Variants in ROBO2 observed in about 807,000 individuals in gnomAD.
ROBO2 encodes roundabout guidance receptor 2, also known as roundabout homolog 2.
Under a neutral mutation model 160.8 loss-of-function variants are expected in ROBO2, and 53 were observed. That is an observed-to-expected ratio of 0.33 (90% CI 0.26 to 0.41). The LOEUF (loss-of-function observed/expected upper bound fraction) is 0.41. Ranked by LOEUF, ROBO2 falls within the 10% of genes least tolerant of loss-of-function variation. The pLI is 1.00. For missense variants in ROBO2, 1,577 were observed against 1,722.4 expected (o/e 0.92, Z 1.49); for synonymous variants, 664 against 611.7 (o/e 1.09, Z -1.26).
chr3:76,873,727 A>G (rs186228715), intron 2 of ROBO2, among the ~76,000 whole-genome samples: 4 of 152,340 alleles, frequency 2.6e-5, no homozygotes, highest in Admixed American at 6.5e-5. Flanking sequence ...TAACCTGCCC[A>G]GCAAACAATG....
At chr3:76,980,921 A>C (rs1384526756) in intron 2 of ROBO2, among the ~76,000 whole-genome samples, 1 of 152,174 alleles carries the variant, frequency 6.6e-6, no homozygotes, top group Non-Finnish European at 1.5e-5. Context: ...TTTTATGTAA[A>C]TTGATTCATA....
chr3:76,384,862 A>G (rs1328341680), intron 2 of ROBO2, among the ~76,000 whole-genome samples: 1 of 152,176 alleles, frequency 6.6e-6, no homozygotes. Context: ...GGGGAACTAC[A>G]ATTCAAAATG....
chr3:77,045,400 T>C (rs1381675239), intron 1 of ROBO2, among the ~76,000 whole-genome samples: 1 of 152,168 alleles, frequency 6.6e-6, no homozygotes, highest in African/African-American at 2.4e-5. Context: ...AATTCTAAAA[T>C]TGCCCTAATC....
At chr3:76,019,536 G>C (rs2066508235) in intron 2 of ROBO2, among the ~76,000 whole-genome samples, 1 of 151,880 alleles carries the variant, frequency 6.6e-6, no homozygotes, top group African/African-American at 2.4e-5. Context: ...ACATGGTTCA[G>C]TTTTCTCTGA....
chr3:77,448,467 A>G (rs1467855383), intron 2 of ROBO2, among the ~76,000 whole-genome samples: 9 of 152,156 alleles, frequency 5.9e-5, no homozygotes, highest in African/African-American at 2.2e-4. Context: ...AGTCGGCCCT[A>G]ATCTCTGACA....
rs1400118113 is a variant in ROBO2, at chr3:76,654,701, CA to C, written c.110-443312del. 2.6e-5 allele frequency among the ~76,000 whole-genome samples: 4 copies of C among 151,922 alleles called. No individual in the cohort carries two copies. The East Asian group carries it at 7.8e-4, about 29-fold the overall frequency. On this transcript the variant is annotated intron_variant, in intron 2 of 26. Transcript: ENST00000487694. ...TAATCAAATGAAAAGAAAATTAGATCATAAGAAGCGCTATACCAAGAATTAA... is the reference window on the plus strand; with the variant it reads ...TAATCAAATGAAAAGAAAATTAGATCTAAGAAGCGCTATACCAAGAATTAA...
At chr3:76,905,959 A>T (rs2075574803) in intron 2 of ROBO2, among the ~76,000 whole-genome samples, 1 of 152,190 alleles carries the variant, frequency 6.6e-6, no homozygotes, top group Admixed American at 6.5e-5. Flanking sequence ...ATCAAGGGAT[A>T]GTTTTGAAGA....
chr3:76,689,439 T>C (rs1299665043), intron 2 of ROBO2, among the ~76,000 whole-genome samples: 2 of 152,108 alleles, frequency 1.3e-5, no homozygotes, highest in African/African-American at 4.8e-5. Context: ...CATTTGTATA[T>C]TTTTCCATCA....
intron 2 of ROBO2, among the ~76,000 whole-genome samples, chr3:76,002,753 A>T (rs1449641346): frequency 6.6e-6 from 1 of 152,144 alleles, no homozygotes; most frequent in Non-Finnish European, 1.5e-5. Flanking sequence ...AAGCTTCAAG[A>T]CATTAGGAGA....
intron 2 of ROBO2, among the ~76,000 whole-genome samples, chr3:76,547,279 T>C (rs2083162307): frequency 6.6e-6 from 1 of 151,656 alleles, no homozygotes; most frequent in African/African-American, 2.4e-5. Context: ...TATTTTTTCC[T>C]TATGTATATG....
chr3:76,478,876 C>G (rs1181703218), intron 2 of ROBO2, among the ~76,000 whole-genome samples: 1 of 151,868 alleles, frequency 6.6e-6, no homozygotes, highest in African/African-American at 2.4e-5. Context: ...CCTATGTTGC[C>G]CAAGTTGGCT....
intron 2 of ROBO2, among the ~76,000 whole-genome samples, chr3:76,940,954 C>T (rs148309776): frequency 6.6e-6 from 1 of 152,234 alleles, no homozygotes; most frequent in Non-Finnish European, 1.5e-5. Context: ...TTCAAAGCCG[C>T]CTCAAATGTA....
At chr3:76,819,856 A>G (rs1343802151) in intron 2 of ROBO2, among the ~76,000 whole-genome samples, 5 of 152,090 alleles carry the variant, frequency 3.3e-5, no homozygotes, top group African/African-American at 9.7e-5. Flanking sequence ...TGCAGTTTCA[A>G]TTGGGACCTG....
chr3:76,079,466 T>TTTA (rs981547591), intron 2 of ROBO2, among the ~76,000 whole-genome samples: 6 of 143,366 alleles, frequency 4.2e-5, no homozygotes, highest in Admixed American at 7.2e-5. Flanking sequence ...TATTTATTTA[T>TTTA]TTATTATTAT....
intron 2 of ROBO2, among the ~76,000 whole-genome samples, chr3:76,716,233 C>T (rs2093376660): frequency 6.6e-6 from 1 of 152,128 alleles, no homozygotes; most frequent in African/African-American, 2.4e-5. Flanking sequence ...ACTCAGGCAA[C>T]TTTCCATAGA....
intron 2 of ROBO2, among the ~76,000 whole-genome samples, chr3:77,252,396 A>G (rs904209518): frequency 6.6e-6 from 1 of 152,152 alleles, no homozygotes; most frequent in Admixed American, 6.5e-5. Context: ...TTAAATAAAC[A>G]AACAAAAACA....
intron 2 of ROBO2, among the ~76,000 whole-genome samples, chr3:76,655,187 CG>C (rs1560313871): frequency 6.7e-6 from 1 of 149,386 alleles, no homozygotes; most frequent in African/African-American, 2.4e-5. Context: ...TGATTTTTAT[CG>C]TAAGAGAATA....
At position 76,969,957 on chromosome 3, in the gene ROBO2, T is replaced by G. The variant is rs185983434; in HGVS notation, c.110-128057T>G. Among the ~76,000 whole-genome samples the G allele has an allele frequency of 3.2e-3, 489 of 152,290 alleles. 1 individual carries two copies. Among genetic ancestry groups the G allele is most frequent in the Non-Finnish European group, 5.0e-3 (343 of 68,024 alleles). ...TTGCAATAAGTGGCATAAGAGTACC[T>G]TGCAAATCTCTCCAAAGGGACAAGA... On this transcript the variant is annotated intron_variant, in intron 2 of 26. Coordinates refer to the ROBO2 transcript ENST00000487694.
At chr3:76,752,249 G>A (rs1279665023) in intron 2 of ROBO2, among the ~76,000 whole-genome samples, 2 of 151,652 alleles carry the variant, frequency 1.3e-5, no homozygotes, top group African/African-American at 4.8e-5. Context: ...GAGAACACTT[G>A]GACACAAGGT....
Sources: gnomAD v4.1 joint callset for allele counts (sites outside exome capture counted in the v4.1 genomes callset) on GRCh38, gnomAD v4.1.1 for gene constraint, MANE v1.5 for transcripts, NCBI Gene and HGNC (gene_info 2026-07-23, HGNC 2026-07-21) for gene names.